The following GBE1 variants were observed in gnomAD, a reference collection of about 807,000 sequenced individuals.
GBE1 encodes 1,4-alpha-glucan branching enzyme 1, also known as 1,4-alpha-glucan-branching enzyme.
In GBE1, 70 loss-of-function variants were observed where a neutral mutation model predicts 88.8. That is an observed-to-expected ratio of 0.79 (90% CI 0.65 to 0.96). The LOEUF is 0.96. Ranked by LOEUF, GBE1 falls within the 40% of genes least tolerant of loss-of-function variation. GBE1 has a pLI of 0.00. For missense variants in GBE1, 872 were observed against 871.0 expected (o/e 1.00, Z -0.01); for synonymous variants, 284 against 300.1 (o/e 0.95, Z 0.56).
At chr3:81,759,333 T>C (rs149364570) in intron 1 of GBE1, among the ~76,000 whole-genome samples, 88 of 152,332 alleles carry the variant, frequency 5.8e-4, no homozygotes, top group Middle Eastern at 6.8e-3. Flanking sequence ...ACCTTAATTA[T>C]ATACTGTTGT....
intron 14 of GBE1, among the ~76,000 whole-genome samples, chr3:81,532,143 C>T (rs1703018288): frequency 6.6e-6 from 1 of 151,902 alleles, no homozygotes; most frequent in South Asian, 2.1e-4. Context: ...TTCTTACCCT[C>T]TTCTGTGCCT....
At chr3:81,552,017 T>C (rs1485747212) in intron 12 of GBE1, among the ~76,000 whole-genome samples, 1 of 152,200 alleles carries the variant, frequency 6.6e-6, no homozygotes, top group Non-Finnish European at 1.5e-5. Context: ...CCCTGATAAA[T>C]TATGTGTAAC....
At chr3:81,756,437 G>A (rs1283045896) in intron 1 of GBE1, among the ~76,000 whole-genome samples, 1 of 152,192 alleles carries the variant, frequency 6.6e-6, no homozygotes, top group African/African-American at 2.4e-5. Context: ...GCTCATTCAA[G>A]TATTACACTA....
chr3:81,599,286 TGA>T (rs1296179929), intron 7 of GBE1, among the ~76,000 whole-genome samples: 1 of 152,102 alleles, frequency 6.6e-6, no homozygotes, highest in African/African-American at 2.4e-5. Context: ...TCTGTGACTG[TGA>T]GTGTATGTAC....
At chr3:81,496,296 TCAACTGAGGGAGCACACAGAGA>T (rs1324886193) in intron 15 of GBE1, among the ~76,000 whole-genome samples, 6 of 152,200 alleles carry the variant, frequency 3.9e-5, no homozygotes, top group Non-Finnish European at 8.8e-5. Context: ...CTTCACAGTT[TCAACTGAGGGAGCACACAGAGA>T]CAACGCTAGA....
At chr3:81,572,096 G>A (rs1470011009) in intron 12 of GBE1, among the ~76,000 whole-genome samples, 1 of 152,094 alleles carries the variant, frequency 6.6e-6, no homozygotes, top group Non-Finnish European at 1.5e-5. Context: ...GTTCTCACAA[G>A]ATCTGCTGGT....
intron 2 of GBE1, among the ~76,000 whole-genome samples, chr3:81,702,552 AAAAT>A (rs1488570601): frequency 6.6e-6 from 1 of 152,014 alleles, no homozygotes; most frequent in Non-Finnish European, 1.5e-5. Flanking sequence ...CTCTTCAATA[AAAAT>A]AAAGGCCCAC....
chr3:81,613,377 C>T (rs970552027), intron 7 of GBE1, among the ~76,000 whole-genome samples: 6 of 152,030 alleles, frequency 3.9e-5, no homozygotes, highest in African/African-American at 1.4e-4. Flanking sequence ...GCTCCCTTCA[C>T]GCTACTGGAA....
intron 7 of GBE1, among the ~76,000 whole-genome samples, chr3:81,599,043 C>T (rs754932422): frequency 6.6e-6 from 1 of 152,016 alleles, no homozygotes; most frequent in Non-Finnish European, 1.5e-5. Context: ...ATATTAAATA[C>T]TTTATTAAAA....
rs1206412498 is a variant in GBE1, at chr3:81,633,516, T to A, written c.992+9265A>T. ...TTAACAGCAACTTAGATGCAAAGCA[T>A]TAAAAGAAACAAGGTTACCAAATTT... On this transcript the variant is annotated intron_variant, in intron 7 of 15. Transcript: ENST00000429644. 2.6e-5 allele frequency among the ~76,000 whole-genome samples: 4 copies of A among 152,148 alleles called. 1 individual carries two copies. Among genetic ancestry groups the A allele is most frequent in the Admixed American group, 2.6e-4 (4 of 15,262 alleles).
intron 14 of GBE1, among the ~76,000 whole-genome samples, chr3:81,512,876 T>C (rs542702983): frequency 6.6e-6 from 1 of 151,884 alleles, no homozygotes; most frequent in South Asian, 2.1e-4. Context: ...TAAGCTTGTA[T>C]TTCAGACACA....
intron 2 of GBE1, among the ~76,000 whole-genome samples, chr3:81,673,827 T>C (rs943942645): frequency 6.6e-6 from 1 of 151,898 alleles, no homozygotes; most frequent in Non-Finnish European, 1.5e-5. Context: ...GTAATGCCCC[T>C]TTCCTCATGG....
intron 1 of GBE1, among the ~76,000 whole-genome samples, chr3:81,720,936 T>G (rs574929131): frequency 1.3e-4 from 18 of 134,096 alleles, no homozygotes; most frequent in East Asian, 4.3e-4. Context: ...TCATTCTCAG[T>G]AAACTATCGC....
At chr3:81,579,161 A>C (rs1312210654) in intron 11 of GBE1, among the ~76,000 whole-genome samples, 1 of 152,072 alleles carries the variant, frequency 6.6e-6, no homozygotes, top group Non-Finnish European at 1.5e-5. Context: ...CTGTTGAGAT[A>C]CTGGTGAAAT....
intron 2 of GBE1, among the ~76,000 whole-genome samples, chr3:81,689,822 T>C (rs1705493596): frequency 6.6e-6 from 1 of 152,074 alleles, no homozygotes; most frequent in South Asian, 2.1e-4. Context: ...GTTAGTGTTG[T>C]TTGCAGTGGG....
chr3:81,642,635 T>C lies in GBE1; in HGVS notation c.992+146A>G, dbSNP rs2107059062. 8.1e-6 allele frequency: 5 copies of C among 613,958 alleles called. No individual in the cohort carries two copies. In the South Asian group the frequency reaches 1.0e-4, roughly 12 times the overall value. The allele number at this position is 613,958 out of a possible 1,614,324, so 38.0% of individuals were successfully genotyped here. ...AATACATGTGCTATACAAAACAAGGTAAAATCCCCTGTACAACAAAAATAA... is the reference window on the plus strand; with the variant it reads ...AATACATGTGCTATACAAAACAAGGCAAAATCCCCTGTACAACAAAAATAA... On this transcript the variant is annotated intron_variant, in intron 7 of 15. Coordinates refer to ENST00000429644, the MANE Select transcript of GBE1 (RefSeq NM_000158.4).
chr3:81,737,107 G>C (rs888783917), intron 1 of GBE1, among the ~76,000 whole-genome samples: 4 of 151,358 alleles, frequency 2.6e-5, no homozygotes, highest in Admixed American at 6.6e-5. Flanking sequence ...GGAGGAGAAA[G>C]AGATAATAAT....
In GBE1 at chr3:81,510,943, G is replaced by A. The variant is rs148038018; in HGVS notation, c.1935-11716C>T. Among the ~76,000 whole-genome samples the A allele has an allele frequency of 4.8e-3, 737 of 152,096 alleles. 8 individuals are homozygous for A. Among genetic ancestry groups the A allele is most frequent in the African/African-American group, 0.017 (700 of 41,518 alleles). On this transcript the variant is annotated intron_variant, in intron 14 of 15. Coordinates refer to ENST00000429644, the MANE Select transcript of GBE1 (RefSeq NM_000158.4). ...CAAGAAAATGGTCACTATGTGAGGT[G>A]AGGAATATGTTAATTAGCTTGATTG... is the stretch of plus-strand genomic sequence containing the variant.
intron 1 of GBE1, among the ~76,000 whole-genome samples, chr3:81,759,368 C>T (rs543808974): frequency 1.3e-5 from 2 of 152,274 alleles, no homozygotes; most frequent in Admixed American, 1.3e-4. Context: ...TTCTTCACTC[C>T]TTAGTAAGCA....
Sources: allele counts gnomAD v4.1 joint callset (sites outside exome capture counted in the v4.1 genomes callset), GRCh38; gene constraint gnomAD v4.1.1; transcripts MANE v1.5; gene names NCBI Gene and HGNC (gene_info 2026-07-23, HGNC 2026-07-21).